The following ZFP28 variants were observed in gnomAD, a reference collection of about 807,000 sequenced individuals.
The protein encoded by ZFP28 is ZFP28 zinc finger protein.
A neutral mutation model predicts 39.5 loss-of-function variants in ZFP28; 31 were observed. The observed-to-expected ratio is 0.79, with a 90% CI of 0.59 to 1.06. ZFP28 has a LOEUF of 1.06. ZFP28 is among the 50% of genes least tolerant of loss of function. The pLI is 0.00. For synonymous variants in ZFP28, 400 were observed against 378.6 expected, an observed-to-expected ratio of 1.06 and a Z score of -0.66; for missense variants, 925 against 1,048.4, an observed-to-expected ratio of 0.88 and a Z score of 1.63.
At position 56,547,348 on chromosome 19, in the gene ZFP28, T is replaced by C. The variant is rs1260668639; in HGVS notation, c.301-160T>C. The C allele has an allele frequency of 4.3e-5, 45 of 1,056,614 alleles. No homozygotes were observed. The highest frequency in any genetic ancestry group is 5.7e-5 in the Non-Finnish European group (42 of 734,100). The allele number at this position is 1,056,614 out of a possible 1,614,324, so 65.5% of individuals were successfully genotyped here. ...CCTCATTTAACCCTAATTACCTCTT[T>C]GTAGGCCCTGTCTCTAAATACAGTC... On this transcript the variant is annotated intron_variant, in intron 2 of 7. Transcript: ENST00000301318. This position sits in a 1 kb window ranked among gnomAD's most constrained non-coding sequence, Gnocchi z 4.6.
chr19:56,538,992 G>A lies in ZFP28; in HGVS notation c.-27G>A, dbSNP rs2044165171. On this transcript the variant is annotated 5_prime_UTR_variant, in exon 1 of 8. Transcript: ENST00000301318. ...GTGTGGGTCTGTGAGGGACCGGTCGGAAGGGCGTCGCGCGGCCTCGGGTGA... is the reference window on the plus strand; with the variant it reads ...GTGTGGGTCTGTGAGGGACCGGTCGAAAGGGCGTCGCGCGGCCTCGGGTGA... 2 of 1,387,718 alleles carry A rather than the reference G, an allele frequency of 1.4e-6. No homozygotes were observed. Among genetic ancestry groups the A allele is most frequent in the South Asian group, 1.6e-5 (1 of 61,432 alleles). 86.0% of individuals were successfully genotyped at this position (1,387,718 alleles called of 1,614,324 possible). A position where few individuals can be genotyped will look rare whatever the true frequency, so the allele number is the denominator to read the frequency against.
At chr19:56,553,372 T>C (rs935764563) in intron 7 of ZFP28, among the ~76,000 whole-genome samples, 5 of 152,166 alleles carry the variant, frequency 3.3e-5, no homozygotes, top group African/African-American at 1.2e-4. Flanking sequence ...AGGCACATAC[T>C]ACCATGCCTG....
chr19:56,551,386 AAC>A lies in ZFP28; in HGVS notation c.898+787_898+788del, dbSNP rs1015116084. 64 of 985,756 alleles carry A rather than the reference AAC, an allele frequency of 6.5e-5. No homozygotes were observed. The African/African-American group carries it at 1.1e-3, about 17-fold the overall frequency. The allele number at this position is 985,756 out of a possible 1,614,324, so 61.1% of individuals were successfully genotyped here. ...CCTTAGATCCATTTAAGTCAGGATA[AAC>A]ACACATTTTTTCACATAGTAGAAAT... On this transcript the variant is annotated intron_variant, in intron 7 of 7. Coordinates refer to ENST00000301318, the MANE Select transcript of ZFP28 (RefSeq NM_020828.2).
Position 56,550,078 on chromosome 19 carries a change from T to C in ZFP28, c.699T>C (p.Thr233=), listed in dbSNP as rs1478193750. 3 of 1,611,286 alleles carry C rather than the reference T, an allele frequency of 1.9e-6. No homozygotes were observed. The highest frequency in any genetic ancestry group is 2.2e-5 in the South Asian group (2 of 90,072). Reference sequence around the variant, plus strand: ...TTTTACCATTGCAGGGCTTGGTGACTATCAAAAACCTGGCTGTTGACTTCC... The same window carrying C: ...TTTTACCATTGCAGGGCTTGGTGACCATCAAAAACCTGGCTGTTGACTTCC... ...ALFETQPGLV[T]IKNLAVDFRQ... Residue 233 remains threonine, a synonymous_variant, in exon 6 of 8, where the codon ACT becomes ACC. Coordinates refer to ENST00000301318, the MANE Select transcript of ZFP28 (RefSeq NM_020828.2).
At chr19:56,543,055 C>T (rs1425662766) in intron 2 of ZFP28, among the ~76,000 whole-genome samples, 7 of 152,030 alleles carry the variant, frequency 4.6e-5, no homozygotes, top group African/African-American at 1.7e-4. Flanking sequence ...AGTGGTGCCT[C>T]AAAAGCTAGA....
Position 56,550,107 on chromosome 19 carries a change from A to G in ZFP28, c.728A>G (p.Gln243Arg). The change falls in exon 6 of 8, where the codon CAG becomes CGG. Residue 243 changes from glutamine (Q) to arginine (R), a missense_variant. By Grantham distance (43) the Gln-to-Arg change is conservative (BLOSUM62 1). This residue lies in a region of ZFP28 where 556 missense variants were observed against 542.9 expected (regional missense o/e 1.02). Transcript: ENST00000301318. ...TIKNLAVDFR[Q>R]QLHPAQKNFC... ...AAAAACCTGGCTGTTGACTTCCGCC[A>G]GCAGCTACACCCAGCTCAGAAGAAT... The G allele has an allele frequency of 1.2e-6, 2 of 1,613,332 alleles. No individual in the cohort carries two copies. Among genetic ancestry groups the G allele is most frequent in the Non-Finnish European group, 1.7e-6 (2 of 1,179,780 alleles).
chr19:56,544,993 T>G (rs556682958), intron 2 of ZFP28, among the ~76,000 whole-genome samples: 5 of 152,330 alleles, frequency 3.3e-5, no homozygotes, highest in African/African-American at 1.2e-4. Flanking sequence ...CCTGGGAAAC[T>G]AGGGTTGATT....
At chr19:56,551,264 G>T (rs1173624900) in intron 7 of ZFP28, 1 of 986,550 alleles carries the variant, frequency 1.0e-6, no homozygotes, top group Non-Finnish European at 1.2e-6. Context: ...ACAAGGGAAA[G>T]AAAGGAAATT....
At chr19:56,539,918 A>G (rs4801172) in intron 2 of ZFP28, among the ~76,000 whole-genome samples, 116,484 of 152,164 alleles carry the variant, frequency 0.77, 45,267 homozygotes, top group African/African-American at 0.9. Context: ...CTTCATCCCA[A>G]TCAGCCTTCA....
chr19:56,555,069 TG>T lies in ZFP28; in HGVS notation c.2285del (p.Cys762LeufsTer67). Reference protein sequence around the residue: ...TGEKPYECSVCGKAFSHRQSL... With the variant: ...TGEKPYECSVXGKAFSHRQSL... ...AGAAAAACCTTATGAATGCAGTGTG[TG>T]TGGCAAAGCCTTTAGTCATCGTCAA... On this transcript the variant is annotated frameshift_variant, in exon 8 of 8. Coordinates refer to ENST00000301318, the MANE Select transcript of ZFP28 (RefSeq NM_020828.2). LOFTEE classifies it low-confidence loss of function (END_TRUNC). The T allele has an allele frequency of 6.2e-7, 1 of 1,614,216 alleles. No homozygotes were observed. The highest frequency in any genetic ancestry group is 2.2e-5 in the East Asian group (1 of 44,886).
chr19:56,550,103 C>T lies in ZFP28; in HGVS notation c.724C>T (p.Arg242Cys), dbSNP rs770193243. ...VTIKNLAVDF[R>C]QQLHPAQKNF... ...TATCAAAAACCTGGCTGTTGACTTC[C>T]GCCAGCAGCTACACCCAGCTCAGAA... is the stretch of plus-strand genomic sequence containing the variant. Residue 242 changes from arginine (R) to cysteine (C), a missense_variant, in exon 6 of 8, where the codon CGC becomes TGC. Arg to Cys is a radical substitution (Grantham distance 180). Around this residue, in one of 2 missense-constraint regions of ZFP28, gnomAD observed 556 missense variants for 542.9 expected, o/e 1.02. Coordinates refer to ENST00000301318, the MANE Select transcript of ZFP28 (RefSeq NM_020828.2). 8.6e-5 allele frequency: 138 copies of T among 1,612,894 alleles called. No homozygotes were observed. The highest frequency in any genetic ancestry group is 1.7e-4 in the South Asian group (15 of 90,626).
intron 2 of ZFP28, among the ~76,000 whole-genome samples, chr19:56,542,029 C>T (rs561297988): frequency 2.0e-5 from 3 of 151,538 alleles, no homozygotes; most frequent in Admixed American, 6.6e-5. Flanking sequence ...GCCTGGCCCT[C>T]GTAGTACTTT....
At position 56,556,657 on chromosome 19, in the gene ZFP28, A is replaced by G. The variant is rs2044354353; in HGVS notation, c.*1265A>G. On this transcript the variant is annotated 3_prime_UTR_variant, in exon 8 of 8. Transcript: ENST00000301318. ...TAGAGAAAAATGTATAAAAGATTTTAATTTTATGAGGGCAATACAACTGTC... is the reference window on the plus strand; with the variant it reads ...TAGAGAAAAATGTATAAAAGATTTTGATTTTATGAGGGCAATACAACTGTC... 6.6e-6 allele frequency: 1 copy of G among 152,212 alleles called. No homozygotes were observed. Among genetic ancestry groups the G allele is most frequent in the Non-Finnish European group, 1.5e-5 (1 of 68,028 alleles). 9.4% of individuals were successfully genotyped at this position (152,212 alleles called of 1,614,324 possible).
chr19:56,555,432 A>G lies in ZFP28; in HGVS notation c.*40A>G. The G allele has an allele frequency of 6.5e-7, 1 of 1,549,562 alleles. No individual in the cohort carries two copies. Among genetic ancestry groups the G allele is most frequent in the Non-Finnish European group, 8.7e-7 (1 of 1,151,582 alleles). On this transcript the variant is annotated 3_prime_UTR_variant, in exon 8 of 8. Coordinates refer to ENST00000301318, the MANE Select transcript of ZFP28 (RefSeq NM_020828.2). ...TTCTGTTTGACTACTCCAGCAGTTTAAAACCCCATCTCCCTGCCCTTTTGT... is the reference window on the plus strand; with the variant it reads ...TTCTGTTTGACTACTCCAGCAGTTTGAAACCCCATCTCCCTGCCCTTTTGT...
Position 56,555,351 on chromosome 19 carries a change from C to T in ZFP28, c.2566C>T (p.Pro856Ser), listed in dbSNP as rs759675102. 1.2e-5 allele frequency: 20 copies of T among 1,612,904 alleles called. No homozygotes were observed. The East Asian group carries it at 3.6e-4, about 29-fold the overall frequency. ...CACGTCAAATCCTGTGGATCTGTTT[C>T]CCAAATTTCTCTGGAATCCATCCTC... is the stretch of plus-strand genomic sequence containing the variant. ...PSTSNPVDLF[P>S]KFLWNPSSLP... is the part of the protein sequence containing the mutation. Residue 856 changes from proline to serine, a missense_variant, in exon 8 of 8, where the codon CCC (proline) becomes TCC (serine). Around this residue, in one of 2 missense-constraint regions of ZFP28, gnomAD observed 369 missense variants for 505.5 expected, o/e 0.73. Coordinates refer to ENST00000301318, the MANE Select transcript of ZFP28 (RefSeq NM_020828.2).
At position 56,554,379 on chromosome 19, in the gene ZFP28, C is replaced by T; in HGVS notation, c.1594C>T (p.Pro532Ser). The T allele has an allele frequency of 1.2e-6, 2 of 1,614,096 alleles. No homozygotes were observed. The highest frequency in any genetic ancestry group is 1.7e-6 in the Non-Finnish European group (2 of 1,180,036). Reference protein sequence around the residue: ...QHRRIHTGEKPYKCDVCHKSF... With the variant: ...QHRRIHTGEKSYKCDVCHKSF... ...CAGGAGAATTCATACTGGAGAGAAA[C>T]CTTACAAATGTGATGTATGTCACAA... is the stretch of plus-strand genomic sequence containing the variant. The change falls in exon 8 of 8, where the codon CCT (proline) becomes TCT (serine). Residue 532 changes from proline (P) to serine (S), a missense_variant. Coordinates refer to ENST00000301318, the MANE Select transcript of ZFP28 (RefSeq NM_020828.2). The surrounding 1 kb of genome is among the most constrained non-coding windows in gnomAD (Gnocchi z 6.7).
intron 2 of ZFP28, among the ~76,000 whole-genome samples, chr19:56,539,986 C>G (rs113009318): frequency 1.2e-4 from 19 of 152,262 alleles, no homozygotes; most frequent in African/African-American, 4.1e-4. Flanking sequence ...CAGAGGGACT[C>G]TGATGGAGGA....
At chr19:56,543,395 T>C (rs1023289218) in intron 2 of ZFP28, among the ~76,000 whole-genome samples, 4 of 148,540 alleles carry the variant, frequency 2.7e-5, no homozygotes, top group African/African-American at 9.8e-5. Flanking sequence ...TATATATGTA[T>C]ATATAATTTT....
intron 2 of ZFP28, chr19:56,544,706 G>A (rs762102459): frequency 1.2e-4 from 18 of 152,290 alleles, no homozygotes; most frequent in South Asian, 2.1e-4. Context: ...TATTAGGATC[G>A]TTGTGAGGAT....
Sources: allele counts gnomAD v4.1 joint callset (sites outside exome capture counted in the v4.1 genomes callset), GRCh38; gene constraint gnomAD v4.1.1; regional missense constraint gnomAD v4.1.1; non-coding constraint Gnocchi (gnomAD v3.1); transcripts MANE v1.5; gene names NCBI Gene and HGNC (gene_info 2026-07-23, HGNC 2026-07-21).